The following MAF variants were observed in gnomAD, a reference collection of about 807,000 sequenced individuals.
The protein encoded by MAF is MAF bZIP transcription factor.
A neutral mutation model predicts 22.0 loss-of-function variants in MAF; 10 were observed. The ratio of observed to expected loss-of-function variants is 0.45; its 90% CI spans 0.28 to 0.77. The LOEUF (loss-of-function observed/expected upper bound fraction) is 0.77, where lower values mean the gene tolerates loss of function less well. Among genes scored for constraint, MAF ranks in the 30% least tolerant of loss-of-function variants. MAF has a pLI of 0.12. For missense variants in MAF, 544 were observed against 548.4 expected (o/e 0.99, Z 0.08); for synonymous variants, 337 against 255.8 (o/e 1.32, Z -3.03).
the MAF span, among the ~76,000 whole-genome samples, chr16:79,442,563 A>C: frequency 6.6e-6 from 1 of 151,682 alleles, no homozygotes; most frequent in Admixed American, 6.6e-5. Flanking sequence ...AATTTTAGTG[A>C]CAGGGTCTTG....
rs947651159 is a variant in MAF at position 79,600,265 on chromosome 16, A to T, written c.-363T>A. ...GTGGCTGCGGCGGCGAAGCTGGAGG[A>T]GCCCGGCCCGGTGCGCGGCGTCCCC... is the stretch of plus-strand genomic sequence containing the variant. On this transcript the variant is annotated 5_prime_UTR_variant, in exon 1 of 2. Transcript: ENST00000326043. The T allele has an allele frequency of 4.2e-6, 1 of 237,018 alleles. No homozygotes were observed. The highest frequency in any genetic ancestry group is 8.6e-6 in the Non-Finnish European group (1 of 115,838). 14.7% of individuals were successfully genotyped at this position (237,018 alleles called of 1,614,324 possible).
the MAF span, among the ~76,000 whole-genome samples, chr16:79,342,730 C>T: frequency 2.6e-5 from 4 of 152,208 alleles, no homozygotes; most frequent in Non-Finnish European, 4.4e-5. Context: ...TTACTATTGA[C>T]GCCTACTAGA....
At chr16:79,318,550 T>C in the MAF span, among the ~76,000 whole-genome samples, 1 of 152,176 alleles carries the variant, frequency 6.6e-6, no homozygotes, top group African/African-American at 2.4e-5. Context: ...GAAACTACAT[T>C]GCTGGGTGTC....
the MAF span, among the ~76,000 whole-genome samples, chr16:79,349,321 C>G: frequency 2.0e-5 from 3 of 152,208 alleles, no homozygotes; most frequent in African/African-American, 7.2e-5. Context: ...TGTGATGAGG[C>G]ATCCAAGACC....
the MAF span, among the ~76,000 whole-genome samples, chr16:79,553,875 G>C: frequency 0.02 from 2,971 of 152,176 alleles, 23 homozygotes; most frequent in African/African-American, 0.024. Context: ...GATCATTTGA[G>C]GTCAAGAGCT....
At chr16:79,588,954 C>T (rs879366006), downstream of MAF, among the ~76,000 whole-genome samples, 5 of 152,048 alleles carry the variant, frequency 3.3e-5, no homozygotes, top group Admixed American at 6.5e-5. Context: ...AGGGTTTTTC[C>T]GCCTTCTATG....
chr16:79,342,952 G>A, the MAF span, among the ~76,000 whole-genome samples: 1 of 152,150 alleles, frequency 6.6e-6, no homozygotes, highest in East Asian at 1.9e-4. Context: ...AAAAAAGGAA[G>A]ATGTGCAAAT....
At chr16:79,375,600 T>C in the MAF span, among the ~76,000 whole-genome samples, 1 of 152,136 alleles carries the variant, frequency 6.6e-6, no homozygotes, top group Non-Finnish European at 1.5e-5. Context: ...ATGATGATGG[T>C]AATGATGATG....
the MAF span, among the ~76,000 whole-genome samples, chr16:79,245,407 C>G: frequency 1.3e-5 from 2 of 152,078 alleles, no homozygotes; most frequent in Middle Eastern, 3.4e-3. Flanking sequence ...AGGATATAAA[C>G]AGACACTTAT....
chr16:79,485,123 G>C, the MAF span, among the ~76,000 whole-genome samples: 1 of 152,194 alleles, frequency 6.6e-6, no homozygotes, highest in Non-Finnish European at 1.5e-5. Flanking sequence ...ATAGATACCA[G>C]ATAAAAGCCA....
At chr16:79,442,600 G>A in the MAF span, among the ~76,000 whole-genome samples, 1 of 152,252 alleles carries the variant, frequency 6.6e-6, no homozygotes, top group African/African-American at 2.4e-5. Context: ...GACATACAGT[G>A]GTGCAGCACG....
chr16:79,432,391 C>G, the MAF span, among the ~76,000 whole-genome samples: 5 of 152,096 alleles, frequency 3.3e-5, no homozygotes, highest in Non-Finnish European at 7.3e-5. Context: ...TATACAGGTA[C>G]TATGTTTTAT....
chr16:79,472,972 C>G, the MAF span, among the ~76,000 whole-genome samples: 16 of 152,050 alleles, frequency 1.1e-4, no homozygotes, highest in Non-Finnish European at 2.1e-4. Context: ...GAACACAACA[C>G]AATTCTGTCC....
chr16:79,547,757 G>C, the MAF span, among the ~76,000 whole-genome samples: 2 of 152,094 alleles, frequency 1.3e-5, no homozygotes, highest in Non-Finnish European at 2.9e-5. Context: ...ATAAATCCCA[G>C]ACATCACATG....
the MAF span, among the ~76,000 whole-genome samples, chr16:79,277,016 T>C: frequency 1.3e-5 from 2 of 152,118 alleles, no homozygotes; most frequent in Non-Finnish European, 2.9e-5. Context: ...TGCCTGTGTA[T>C]CTAAATCTCT....
chr16:79,227,839 C>T, the MAF span, among the ~76,000 whole-genome samples: 2 of 152,032 alleles, frequency 1.3e-5, no homozygotes, highest in Non-Finnish European at 2.9e-5. Flanking sequence ...GTCAATATAA[C>T]TGTTGAGTGG....
the MAF span, among the ~76,000 whole-genome samples, chr16:79,562,270 C>T: frequency 5.3e-5 from 8 of 152,170 alleles, no homozygotes; most frequent in Admixed American, 1.3e-4. Flanking sequence ...TCTACACCAA[C>T]GAATTGTGAA....
chr16:79,320,645 G>T, the MAF span, among the ~76,000 whole-genome samples: 736 of 152,316 alleles, frequency 4.8e-3, 4 homozygotes, highest in African/African-American at 0.017. Context: ...TTGGGCAAAT[G>T]AATGAATGTG....
the MAF span, among the ~76,000 whole-genome samples, chr16:79,326,265 G>A: frequency 6.6e-6 from 1 of 152,114 alleles, no homozygotes; most frequent in Non-Finnish European, 1.5e-5. Flanking sequence ...CTGTAGTGAG[G>A]CTTAAATGCA....
Sources: gnomAD v4.1 joint callset for allele counts (sites outside exome capture counted in the v4.1 genomes callset) on GRCh38, gnomAD v4.1.1 for gene constraint, MANE v1.5 for transcripts, NCBI Gene and HGNC (gene_info 2026-07-23, HGNC 2026-07-21) for gene names.